Variants in BRWD1 observed in about 807,000 individuals in gnomAD.
The protein encoded by BRWD1 is bromodomain and WD repeat domain containing 1, also known as bromodomain and WD repeat-containing protein 1.
BRWD1 carries 82 observed loss-of-function variants against 251.2 expected under a neutral mutation model. That is an observed-to-expected ratio of 0.33 (90% confidence interval 0.27 to 0.39). BRWD1 has a LOEUF of 0.39. Ranked by LOEUF, BRWD1 falls within the 10% of genes least tolerant of loss-of-function variation. The probability of loss-of-function intolerance (pLI) is 1.00; values close to 1 mark genes in which losing one functional copy is unlikely to be tolerated. For synonymous variants in BRWD1, 918 were observed against 902.8 expected (o/e 1.02, Z -0.30); for missense variants, 2,233 against 2,711.6 (o/e 0.82, Z 3.92).
intron 38 of BRWD1, among the ~76,000 whole-genome samples, chr21:39,200,940 T>TG (rs2032077930): frequency 1.3e-5 from 2 of 152,294 alleles, no homozygotes; most frequent in Non-Finnish European, 2.9e-5. Context: ...GCCAAGATCG[T>TG]GCCACTGCAC....
At chr21:39,216,330 G>T (rs967009846) in intron 31 of BRWD1, among the ~76,000 whole-genome samples, 2 of 152,024 alleles carry the variant, frequency 1.3e-5, no homozygotes, top group African/African-American at 4.8e-5. Flanking sequence ...ATTTTTAAAT[G>T]TAGTTAAATA....
intron 8 of BRWD1, among the ~76,000 whole-genome samples, chr21:39,286,076 G>A (rs2035628759): frequency 7.0e-6 from 1 of 143,282 alleles, no homozygotes; most frequent in Non-Finnish European, 1.5e-5. Context: ...GTGCAGTGGT[G>A]CGATCTCGGC....
chr21:39,269,009 GA>G (rs897900224), intron 15 of BRWD1, among the ~76,000 whole-genome samples: 1 of 151,166 alleles, frequency 6.6e-6, no homozygotes, highest in African/African-American at 2.4e-5. Flanking sequence ...AAAAAGAAAA[GA>G]AAAAAAAGAA....
chr21:39,228,440 TAGACC>T, intron 27 of BRWD1, 55 bp downstream of exon 27: 1 of 1,171,938 alleles, frequency 8.5e-7, no homozygotes, highest in Non-Finnish European at 1.3e-6. Context: ...GCCAAAAAGG[TAGACC>T]AATAAAACAG....
chr21:39,224,315 A>C, intron 29 of BRWD1, 93 bp downstream of exon 29: 1 of 657,968 alleles, frequency 1.5e-6, no homozygotes, highest in South Asian at 2.8e-5. Context: ...GAATATATTG[A>C]TCATAGAATA....
In BRWD1 at chr21:39,232,411, G is replaced by A; in HGVS notation, c.2854C>T (p.Leu952Phe). 6.3e-7 allele frequency: 1 copy of A among 1,593,464 alleles called. No individual in the cohort carries two copies. The highest frequency in any genetic ancestry group is 8.5e-7 in the Non-Finnish European group (1 of 1,175,192). ...TGAGGAACAAAAGGAGATTTTCTAA[G>A]TGTGGTGTCAGTAATCCAAACTGGA... ...HPPVWITDTT[L>F]RKSPFVPQMG... The change falls in exon 24 of 41, where the codon CTT (leucine) becomes TTT (phenylalanine). Residue 952 changes from leucine to phenylalanine, a missense_variant. Leu to Phe is a conservative substitution (Grantham distance 22). Transcript: ENST00000342449.
At chr21:39,289,336 T>G (rs1392429750) in intron 8 of BRWD1, among the ~76,000 whole-genome samples, 2 of 152,256 alleles carry the variant, frequency 1.3e-5, no homozygotes, top group African/African-American at 4.8e-5. Context: ...TGCAAAGATC[T>G]CAGAATACTG....
At chr21:39,240,485 C>A (rs999778221) in intron 21 of BRWD1, among the ~76,000 whole-genome samples, 2 of 152,168 alleles carry the variant, frequency 1.3e-5, no homozygotes, top group Non-Finnish European at 2.9e-5. Context: ...TAGGGCAAGA[C>A]CCTGTCCCTA....
intron 8 of BRWD1, among the ~76,000 whole-genome samples, 195 bp downstream of exon 8, chr21:39,293,616 C>G (rs1250874272): frequency 6.6e-6 from 1 of 152,106 alleles, no homozygotes; most frequent in East Asian, 1.9e-4. Flanking sequence ...TATCAATAAG[C>G]CTTCATGTAA....
At chr21:39,244,551 A>G (rs1042361525) in intron 21 of BRWD1, among the ~76,000 whole-genome samples, 3 of 152,226 alleles carry the variant, frequency 2.0e-5, no homozygotes, top group African/African-American at 7.2e-5. Flanking sequence ...ATTAATGTTT[A>G]GCCCTTTTAT....
intron 19 of BRWD1, among the ~76,000 whole-genome samples, chr21:39,251,723 A>T (rs540485689): frequency 5.3e-5 from 8 of 152,320 alleles, no homozygotes; most frequent in African/African-American, 1.9e-4. Flanking sequence ...ACAGGTTGTC[A>T]ATTTCACTGC....
At chr21:39,281,252 C>G (rs1311553555) in intron 8 of BRWD1, among the ~76,000 whole-genome samples, 3 of 152,038 alleles carry the variant, frequency 2.0e-5, no homozygotes, top group Non-Finnish European at 4.4e-5. Context: ...CAGCAATATA[C>G]AGTATTGATT....
At chr21:39,278,201 G>A (rs192580934) in intron 10 of BRWD1, among the ~76,000 whole-genome samples, 34 of 152,040 alleles carry the variant, frequency 2.2e-4, no homozygotes, top group African/African-American at 6.8e-4. Flanking sequence ...AAGCACCAGC[G>A]CTCTAAAAAT....
At chr21:39,248,718 C>T (rs2034293581) in intron 20 of BRWD1, among the ~76,000 whole-genome samples, 1 of 145,126 alleles carries the variant, frequency 6.9e-6, no homozygotes, top group South Asian at 2.3e-4. Context: ...ATAGCAGATG[C>T]TGGTGAAGTT....
rs1218532223 is a variant in BRWD1, at chr21:39,186,361, T to C, written c.*9898A>G. The C allele has an allele frequency of 1.3e-5, 2 of 152,194 alleles. No homozygotes were observed. Among genetic ancestry groups the C allele is most frequent in the Admixed American group, 1.3e-4 (2 of 15,288 alleles). 9.4% of individuals were successfully genotyped at this position (152,194 alleles called of 1,614,324 possible). ...TCATTCAGTATGAACTGCAATATTA[T>C]AAACAAAATGACATCAATGGACTTT... On this transcript the variant is annotated 3_prime_UTR_variant, in exon 41 of 41. Coordinates refer to ENST00000342449, the MANE Select transcript of BRWD1 (RefSeq NM_033656.4).
At chr21:39,247,673 T>C in intron 21 of BRWD1, 28 bp downstream of exon 21, 2 of 1,582,554 alleles carry the variant, frequency 1.3e-6, no homozygotes, top group Non-Finnish European at 1.7e-6. Context: ...TAAGATTATC[T>C]TATAACATTT....
rs755058769 is a variant in BRWD1, at chr21:39,196,780, T to C, written c.6289A>G (p.Asn2097Asp). Residue 2097 changes from asparagine (N) to aspartate (D), a missense_variant, in exon 41 of 41, where the codon AAT becomes GAT. Physicochemically the swap from Asn to Asp is conservative, Grantham distance 23. Around this residue, in one of 12 missense-constraint regions of BRWD1, gnomAD observed 928 missense variants for 970.0 expected, o/e 0.96. Coordinates refer to ENST00000342449, the MANE Select transcript of BRWD1 (RefSeq NM_033656.4). ...CCATAGGTCCTGAGTCTTCTGCCAT[T>C]CCACCTGCGCAGCCCATAATTCAGT... ...VELNYGLRRWNGRRLRTYGKA... is the reference protein window; with the variant it reads ...VELNYGLRRWDGRRLRTYGKA... The C allele has an allele frequency of 6.2e-7, 1 of 1,613,260 alleles. No homozygotes were observed. The highest frequency in any genetic ancestry group is 1.1e-5 in the South Asian group (1 of 91,056).
At chr21:39,264,318 C>A in intron 17 of BRWD1, 142 bp downstream of exon 17, 1 of 563,898 alleles carries the variant, frequency 1.8e-6, no homozygotes, top group Non-Finnish European at 2.8e-6. Flanking sequence ...TGGTTCAAAA[C>A]AATACACAGA....
chr21:39,212,227 T>C (rs1175778985), intron 34 of BRWD1, among the ~76,000 whole-genome samples: 2 of 152,168 alleles, frequency 1.3e-5, no homozygotes, highest in Non-Finnish European at 2.9e-5. Flanking sequence ...ATCCTTCAAA[T>C]TGTATTATCT....
Sources: allele counts gnomAD v4.1 joint callset (sites outside exome capture counted in the v4.1 genomes callset), GRCh38; gene constraint gnomAD v4.1.1; regional missense constraint gnomAD v4.1.1; transcripts MANE v1.5; gene names NCBI Gene and HGNC (gene_info 2026-07-23, HGNC 2026-07-21).